The following SUGCT variants were observed in gnomAD, a reference collection of about 807,000 sequenced individuals.
The protein encoded by SUGCT is succinyl-CoA:glutarate-CoA transferase.
A neutral mutation model predicts 55.0 loss-of-function variants in SUGCT; 41 were observed. That is an observed-to-expected ratio of 0.74 (90% CI 0.58 to 0.97). SUGCT has a LOEUF of 0.97. Ranked by LOEUF, SUGCT falls within the 50% of genes least tolerant of loss-of-function variation. The pLI, the probability that SUGCT is intolerant of heterozygous loss-of-function variation, is 0.00. For synonymous variants in SUGCT, 187 were observed against 200.4 expected (o/e 0.93, Z 0.56); for missense variants, 568 against 547.8 (o/e 1.04, Z -0.37).
At chr7:40,185,797 A>AC (rs1785470886) in intron 3 of SUGCT, among the ~76,000 whole-genome samples, 1 of 152,154 alleles carries the variant, frequency 6.6e-6, no homozygotes, top group Non-Finnish European at 1.5e-5. Flanking sequence ...TGCTGGGATT[A>AC]CAGGGGCGAG....
At chr7:40,987,289 T>A in the SUGCT span, among the ~76,000 whole-genome samples, 4 of 152,098 alleles carry the variant, frequency 2.6e-5, no homozygotes, top group Non-Finnish European at 4.4e-5. Flanking sequence ...GGGACTGCAA[T>A]CCAGGCTGGT....
chr7:40,493,442 A>G (rs1484493614), intron 11 of SUGCT, among the ~76,000 whole-genome samples: 1 of 152,138 alleles, frequency 6.6e-6, no homozygotes, highest in Non-Finnish European at 1.5e-5. Context: ...ACTTTAATTC[A>G]TTTTATAAAG....
the SUGCT span, among the ~76,000 whole-genome samples, chr7:41,001,505 G>T: frequency 6.6e-6 from 1 of 152,294 alleles, no homozygotes; most frequent in African/African-American, 2.4e-5. Flanking sequence ...AATTCAGGCT[G>T]CTAGAATAAG....
chr7:40,522,356 C>T (rs540329098), intron 12 of SUGCT, among the ~76,000 whole-genome samples: 9 of 152,244 alleles, frequency 5.9e-5, no homozygotes, highest in African/African-American at 2.2e-4. Context: ...CTCTAAGTTT[C>T]TAAGTTATTA....
At chr7:40,659,123 A>C (rs981530325) in intron 12 of SUGCT, among the ~76,000 whole-genome samples, 3 of 152,180 alleles carry the variant, frequency 2.0e-5, no homozygotes, top group Admixed American at 2.0e-4. Context: ...CTCTGATGTT[A>C]TAGGGATCTA....
chr7:40,248,924 A>ACT (rs1212121988), intron 7 of SUGCT, among the ~76,000 whole-genome samples: 18 of 137,068 alleles, frequency 1.3e-4, no homozygotes, highest in Non-Finnish European at 2.4e-4. Context: ...ACACACACAC[A>ACT]CTCCCTCTCT....
At chr7:40,502,647 G>A (rs894373392) in intron 12 of SUGCT, among the ~76,000 whole-genome samples, 1 of 151,980 alleles carries the variant, frequency 6.6e-6, no homozygotes, top group African/African-American at 2.4e-5. Flanking sequence ...AATCCATTGT[G>A]CATTTTATGC....
intron 12 of SUGCT, among the ~76,000 whole-genome samples, chr7:40,649,289 G>T (rs1447041131): frequency 6.6e-6 from 1 of 151,826 alleles, no homozygotes; most frequent in Non-Finnish European, 1.5e-5. Flanking sequence ...TTTAATTTTT[G>T]TCTTCTTTGC....
At chr7:40,149,850 C>T (rs770343878) in intron 1 of SUGCT, among the ~76,000 whole-genome samples, 27 of 152,094 alleles carry the variant, frequency 1.8e-4, no homozygotes, top group Non-Finnish European at 2.8e-4. Flanking sequence ...ACTTGGGAGT[C>T]GGAGGTTGCA....
At chr7:40,472,109 A>G (rs1583769865) in intron 11 of SUGCT, among the ~76,000 whole-genome samples, 1 of 152,134 alleles carries the variant, frequency 6.6e-6, no homozygotes, top group Non-Finnish European at 1.5e-5. Context: ...GCAAAAAGCA[A>G]TTGTTCAATA....
chr7:40,237,829 G>A (rs919116294), intron 7 of SUGCT, 103 bp downstream of exon 7: 9 of 867,244 alleles, frequency 1.0e-5, no homozygotes, highest in South Asian at 4.1e-5. Flanking sequence ...GTTAGGTTGG[G>A]GCAAAAGTAA....
intron 9 of SUGCT, among the ~76,000 whole-genome samples, chr7:40,439,643 CTTTT>C (rs1279174295): frequency 6.6e-6 from 1 of 152,092 alleles, no homozygotes; most frequent in Non-Finnish European, 1.5e-5. Context: ...CTTCTCTACT[CTTTT>C]TTAGTCTTTC....
intron 12 of SUGCT, among the ~76,000 whole-genome samples, chr7:40,593,573 G>A (rs566314688): frequency 1.8e-4 from 27 of 152,274 alleles, no homozygotes; most frequent in African/African-American, 6.5e-4. Flanking sequence ...AGGCATGGTG[G>A]CTTATGCCTG....
the SUGCT span, among the ~76,000 whole-genome samples, chr7:40,918,521 C>T: frequency 1.3e-5 from 2 of 151,710 alleles, no homozygotes; most frequent in Admixed American, 6.6e-5. Flanking sequence ...ATTACAGCCC[C>T]AAAGCTATGA....
intron 11 of SUGCT, among the ~76,000 whole-genome samples, chr7:40,491,295 C>T (rs1044290565): frequency 1.1e-4 from 17 of 151,976 alleles, no homozygotes; most frequent in East Asian, 3.9e-4. Context: ...TCTGGGTGTG[C>T]GGAATCAAGG....
chr7:40,232,631 G>A (rs146674507), intron 6 of SUGCT, among the ~76,000 whole-genome samples: 21 of 152,302 alleles, frequency 1.4e-4, no homozygotes, highest in African/African-American at 4.8e-4. Context: ...AAAATATTAA[G>A]AGATAATAAA....
intron 13 of SUGCT, among the ~76,000 whole-genome samples, chr7:40,765,224 G>T (rs1788724276): frequency 6.6e-6 from 1 of 152,048 alleles, no homozygotes; most frequent in Non-Finnish European, 1.5e-5. Flanking sequence ...ACAAACAACT[G>T]TCATGTAAAT....
At chr7:40,527,730 A>G (rs1196628330) in intron 12 of SUGCT, among the ~76,000 whole-genome samples, 2 of 152,226 alleles carry the variant, frequency 1.3e-5, no homozygotes, top group Non-Finnish European at 2.9e-5. Flanking sequence ...GTGTGTTCAA[A>G]AGAAACCCTG....
intron 6 of SUGCT, among the ~76,000 whole-genome samples, chr7:40,220,225 G>C (rs187478785): frequency 6.6e-6 from 1 of 152,270 alleles, no homozygotes; most frequent in East Asian, 1.9e-4. Flanking sequence ...GATGTTGAGA[G>C]GCGTACTGGT....
Sources: gnomAD v4.1 joint callset for allele counts (sites outside exome capture counted in the v4.1 genomes callset) on GRCh38, gnomAD v4.1.1 for gene constraint, MANE v1.5 for transcripts, NCBI Gene and HGNC (gene_info 2026-07-23, HGNC 2026-07-21) for gene names.